OSCP1: variants seen among roughly 807,000 people sequenced by gnomAD.
OSCP1 encodes protein OSCP1.
In OSCP1, 35 loss-of-function variants were observed where a neutral mutation model predicts 45.1. That is an observed-to-expected ratio of 0.78 (90% CI 0.59 to 1.03). The LOEUF (loss-of-function observed/expected upper bound fraction) is 1.03, where lower values mean the gene tolerates loss of function less well. Ranked by LOEUF, OSCP1 falls within the 50% of genes least tolerant of loss-of-function variation. The pLI, the probability that OSCP1 is intolerant of heterozygous loss-of-function variation, is 0.00. For missense variants in OSCP1, 400 were observed against 470.7 expected (o/e 0.85, Z 1.39); for synonymous variants, 179 against 180.1 (o/e 0.99, Z 0.05).
At position 36,431,943 on chromosome 1, in the gene OSCP1, G is replaced by A. The variant is rs931815747; in HGVS notation, c.436-61C>T. The A allele has an allele frequency of 1.1e-4, 161 of 1,490,152 alleles. 1 individual carries two copies. The Admixed American group carries it at 1.2e-3, about 11-fold the overall frequency. The allele number at this position is 1,490,152 out of a possible 1,614,324, so 92.3% of individuals were successfully genotyped here. A position where few individuals can be genotyped will look rare whatever the true frequency, so the allele number is the denominator to read the frequency against. ...CCAAGAGGGATGAGTAGTACGCACC[G>A]GCAGGGCAGATGGGTACTCAGGGAT... On this transcript the variant is annotated intron_variant, in intron 3 of 9. Transcript: ENST00000235532.
intron 2 of OSCP1, among the ~76,000 whole-genome samples, chr1:36,434,749 C>CA (rs71053933): frequency 0.37 from 25,504 of 69,412 alleles, 4,126 homozygotes; most frequent in Middle Eastern, 0.44. Context: ...GACTTTGTCT[C>CA]AAAAAAAAAA....
chr1:36,432,661 T>C lies in OSCP1; in HGVS notation c.268-72A>G, dbSNP rs968083143. ...AGGTGTGAGAATCTCCAAACAGTGA[T>C]TCAGTCAAGCATTTACTGAAAACCA... On this transcript the variant is annotated intron_variant, in intron 2 of 9. Coordinates refer to ENST00000235532, the MANE Select transcript of OSCP1 (RefSeq NM_145047.5). 16 of 1,589,218 alleles carry C rather than the reference T, an allele frequency of 1.0e-5. No individual in the cohort carries two copies. In the African/African-American group the frequency reaches 1.6e-4, roughly 16 times the overall value.
At chr1:36,430,016 C>T (rs1302524614) in intron 4 of OSCP1, among the ~76,000 whole-genome samples, 3 of 152,094 alleles carry the variant, frequency 2.0e-5, no homozygotes, top group Non-Finnish European at 4.4e-5. Context: ...CCAGGCTGGT[C>T]TCAAACTCCT....
intron 4 of OSCP1, among the ~76,000 whole-genome samples, chr1:36,427,939 G>C (rs1311725760): frequency 6.6e-6 from 1 of 152,142 alleles, no homozygotes; most frequent in East Asian, 1.9e-4. Context: ...TATAATTCCA[G>C]CACTTTGGGA....
In OSCP1 at chr1:36,447,216, A is replaced by G. The variant is rs1462253303; in HGVS notation, c.112+3042T>C. Among the ~76,000 whole-genome samples, 1 of 152,206 alleles carries G rather than the reference A, an allele frequency of 6.6e-6. No homozygotes were observed. Among genetic ancestry groups the G allele is most frequent in the African/African-American group, 2.4e-5 (1 of 41,456 alleles). ...GGCCACAACAACTTTAAATGGTGGA[A>G]TAGGTGGAAGACATGAGTATTTCTC... On this transcript the variant is annotated intron_variant, in intron 1 of 9. Coordinates refer to ENST00000235532, the MANE Select transcript of OSCP1 (RefSeq NM_145047.5). This position sits in a 1 kb window ranked among gnomAD's most constrained non-coding sequence, Gnocchi z 4.1.
intron 1 of OSCP1, among the ~76,000 whole-genome samples, chr1:36,445,961 C>A (rs1187234554): frequency 6.6e-6 from 1 of 151,786 alleles, no homozygotes; most frequent in Non-Finnish European, 1.5e-5. Flanking sequence ...GATCTGCCCA[C>A]CTTGGCCTCC....
intron 4 of OSCP1, among the ~76,000 whole-genome samples, chr1:36,430,729 A>T (rs527616968): frequency 8.5e-4 from 129 of 152,320 alleles, no homozygotes; most frequent in Non-Finnish European, 1.0e-3. Context: ...ATCCCGGCTC[A>T]CTGTAACCTC....
intron 1 of OSCP1, among the ~76,000 whole-genome samples, chr1:36,445,425 T>A (rs1229791521): frequency 6.6e-6 from 1 of 152,234 alleles, no homozygotes; most frequent in Non-Finnish European, 1.5e-5. Flanking sequence ...GATTGTGGTA[T>A]TAGGGGTGAT....
At chr1:36,432,728 T>G in intron 2 of OSCP1, 139 bp from the exon 3 acceptor site, 1 of 949,472 alleles carries the variant, frequency 1.1e-6, no homozygotes. Flanking sequence ...ATATCACTTA[T>G]CACCCAAACC....
At chr1:36,438,382 T>A (rs1331648943) in intron 2 of OSCP1, among the ~76,000 whole-genome samples, 1 of 150,766 alleles carries the variant, frequency 6.6e-6, no homozygotes, top group African/African-American at 2.4e-5. Context: ...CCCAGCTACT[T>A]GGGAGTCTGA....
intron 1 of OSCP1, among the ~76,000 whole-genome samples, chr1:36,448,222 C>T (rs1032534410): frequency 6.6e-6 from 1 of 152,166 alleles, no homozygotes; most frequent in African/African-American, 2.4e-5. Context: ...GTCTGTAAGA[C>T]TCTAGAGAGT....
chr1:36,424,046 C>T (rs1195062320), intron 4 of OSCP1, among the ~76,000 whole-genome samples: 4 of 151,988 alleles, frequency 2.6e-5, no homozygotes, highest in Admixed American at 6.5e-5. Flanking sequence ...CGCCAGCTCA[C>T]GCGATTCTCC....
intron 1 of OSCP1, chr1:36,440,778 T>A (rs1649080983): frequency 1.3e-5 from 2 of 152,064 alleles, no homozygotes; most frequent in Admixed American, 1.3e-4. Context: ...CACACATAAG[T>A]CCTCAAAAGA....
At chr1:36,421,282 A>G (rs920732583) in intron 7 of OSCP1, among the ~76,000 whole-genome samples, 4 of 151,942 alleles carry the variant, frequency 2.6e-5, no homozygotes, top group African/African-American at 4.8e-5. Context: ...AGCCTCCATG[A>G]TACTGTGATC....
intron 4 of OSCP1, among the ~76,000 whole-genome samples, chr1:36,425,799 CTTA>C (rs1330094236): frequency 2.0e-5 from 3 of 151,192 alleles, no homozygotes; most frequent in East Asian, 1.9e-4. Flanking sequence ...AGCCAATACT[CTTA>C]TTATTACAAG....
rs964411851 is a variant in OSCP1 at position 36,419,124 on chromosome 1, C to A, written c.960-70G>T. On this transcript the variant is annotated intron_variant, in intron 8 of 9. Transcript: ENST00000235532. ...TCCCTGCCAGCATGGCAAACTGGCT[C>A]TTGATCAGTTGGCAACCTATTTTTT... 5 of 1,394,318 alleles carry A rather than the reference C, an allele frequency of 3.6e-6. No individual in the cohort carries two copies. In the Admixed American group the frequency reaches 8.5e-5, roughly 24 times the overall value. The allele number at this position is 1,394,318 out of a possible 1,614,324, so 86.4% of individuals were successfully genotyped here. A position where few individuals can be genotyped will look rare whatever the true frequency, so the allele number is the denominator to read the frequency against.
chr1:36,439,792 A>G (rs1649010344), intron 1 of OSCP1, among the ~76,000 whole-genome samples: 1 of 152,246 alleles, frequency 6.6e-6, no homozygotes, highest in African/African-American at 2.4e-5. Context: ...CTGCTGTTCA[A>G]ATGGAAAATT....
rs1281464137 is a variant in OSCP1, at chr1:36,438,752, T to C, written c.267+4A>G. Reference sequence around the variant, plus strand: ...CAAGATGACAAAGGCAGCTGTCTGCTCACCTTATCCATGCTGGCCTGGTTC... The same window carrying C: ...CAAGATGACAAAGGCAGCTGTCTGCCCACCTTATCCATGCTGGCCTGGTTC... On this transcript the variant is annotated splice_donor_region_variant and intron_variant, in intron 2 of 9. Coordinates refer to ENST00000235532, the MANE Select transcript of OSCP1 (RefSeq NM_145047.5). The C allele has an allele frequency of 6.3e-7, 1 of 1,595,362 alleles. No individual in the cohort carries two copies. The highest frequency in any genetic ancestry group is 1.8e-5 in the Admixed American group (1 of 55,798).
chr1:36,422,628 T>C, intron 6 of OSCP1, 140 bp downstream of exon 6: 1 of 830,908 alleles, frequency 1.2e-6, no homozygotes. Context: ...CAGGCCTCTG[T>C]ATGCAGTGTA....
Sources: gnomAD v4.1 joint callset for allele counts (sites outside exome capture counted in the v4.1 genomes callset) on GRCh38, gnomAD v4.1.1 for gene constraint, Gnocchi (gnomAD v3.1) non-coding constraint, MANE v1.5 for transcripts, NCBI Gene and HGNC (gene_info 2026-07-23, HGNC 2026-07-21) for gene names.